The following ZFAND3 variants were observed in gnomAD, a reference collection of about 807,000 sequenced individuals.
ZFAND3 encodes the protein AN1-type zinc finger protein 3.
ZFAND3 carries 10 observed loss-of-function variants against 29.6 expected under a neutral mutation model. The ratio of observed to expected loss-of-function variants is 0.34; its 90% CI spans 0.21 to 0.57. The LOEUF is 0.57. ZFAND3 is among the 20% of genes least tolerant of loss of function. The probability of loss-of-function intolerance (pLI) is 0.86; values close to 1 mark genes in which losing one functional copy is unlikely to be tolerated. For synonymous variants in ZFAND3, 128 were observed against 112.6 expected (o/e 1.14, Z -0.87); for missense variants, 230 against 304.5 (o/e 0.76, Z 1.82).
chr6:38,142,445 G>T, intron 5 of ZFAND3: 1 of 436,968 alleles, frequency 2.3e-6, no homozygotes. Flanking sequence ...TACCCCCATG[G>T]GCCCAGGCTG....
intron 1 of ZFAND3, among the ~76,000 whole-genome samples, chr6:37,916,156 G>A (rs555465282): frequency 2.0e-5 from 3 of 150,954 alleles, no homozygotes; most frequent in African/African-American, 7.3e-5. Context: ...AATGACAATA[G>A]ACATTAAAGA....
intron 2 of ZFAND3, among the ~76,000 whole-genome samples, chr6:37,993,570 G>T (rs1446160151): frequency 6.6e-6 from 1 of 152,046 alleles, no homozygotes; most frequent in Non-Finnish European, 1.5e-5. Flanking sequence ...CAAGTGATCT[G>T]CCCACCTTGG....
intron 2 of ZFAND3, among the ~76,000 whole-genome samples, chr6:37,971,163 C>T (rs558429961): frequency 1.3e-5 from 2 of 152,256 alleles, no homozygotes; most frequent in Non-Finnish European, 2.9e-5. Flanking sequence ...ATGTGCTTTA[C>T]GTTGAACAAA....
intron 2 of ZFAND3, among the ~76,000 whole-genome samples, chr6:37,978,667 T>C (rs1304990319): frequency 2.6e-5 from 4 of 152,216 alleles, no homozygotes; most frequent in Non-Finnish European, 5.9e-5. Flanking sequence ...TGTCTTTTAG[T>C]GCGTTTGTCC....
At chr6:37,900,677 G>C (rs953517783) in intron 1 of ZFAND3, among the ~76,000 whole-genome samples, 1 of 152,130 alleles carries the variant, frequency 6.6e-6, no homozygotes, top group Non-Finnish European at 1.5e-5. Context: ...TCACAGGTCT[G>C]TTATGTTCCA....
At chr6:38,065,579 G>C (rs757109461) in intron 3 of ZFAND3, among the ~76,000 whole-genome samples, 5 of 152,138 alleles carry the variant, frequency 3.3e-5, no homozygotes, top group Admixed American at 2.6e-4. Flanking sequence ...TAGCCTATTA[G>C]GGTAGGTGCT....
At chr6:37,987,185 G>C (rs1762685911) in intron 2 of ZFAND3, among the ~76,000 whole-genome samples, 1 of 152,196 alleles carries the variant, frequency 6.6e-6, no homozygotes, top group Non-Finnish European at 1.5e-5. Context: ...AGTTAGAAGT[G>C]AGTGGCCAGT....
At chr6:37,860,424 C>G (rs1489445715) in intron 1 of ZFAND3, among the ~76,000 whole-genome samples, 4 of 152,044 alleles carry the variant, frequency 2.6e-5, no homozygotes, top group Non-Finnish European at 5.9e-5. Flanking sequence ...TGAATTTGCA[C>G]TCCCCCTGCT....
rs2127500571 is a variant in ZFAND3, at chr6:38,154,331, G to A, written c.*1942G>A. ...CATGGGAAGGAGCCCAGGGGAGCTG[G>A]CCTGGGGGAGCGAAGCCCATGTTCG... On this transcript the variant is annotated 3_prime_UTR_variant, in exon 6 of 6. Transcript: ENST00000287218. 1 of 981,162 alleles carries A rather than the reference G, an allele frequency of 1.0e-6. No homozygotes were observed. The highest frequency in any genetic ancestry group is 1.2e-4 in the East Asian group (1 of 8,088). 60.8% of individuals were successfully genotyped at this position (981,162 alleles called of 1,614,324 possible). A position where few individuals can be genotyped will look rare whatever the true frequency, so the allele number is the denominator to read the frequency against.
chr6:38,064,042 A>G (rs759740070), intron 3 of ZFAND3, among the ~76,000 whole-genome samples: 37 of 152,128 alleles, frequency 2.4e-4, no homozygotes, highest in Non-Finnish European at 4.7e-4. Context: ...TCATGTACTT[A>G]CTGAGGAGTT....
At chr6:37,892,741 A>G (rs1331270058) in intron 1 of ZFAND3, among the ~76,000 whole-genome samples, 4 of 152,234 alleles carry the variant, frequency 2.6e-5, no homozygotes, top group African/African-American at 7.2e-5. Flanking sequence ...GCGAGACTCA[A>G]TTAGCAGAAT....
chr6:38,106,279 A>G (rs1765207733), intron 4 of ZFAND3, among the ~76,000 whole-genome samples: 2 of 151,992 alleles, frequency 1.3e-5, no homozygotes, highest in Non-Finnish European at 2.9e-5. Flanking sequence ...CAGCCTCCCA[A>G]GTAGCTGGGA....
intron 2 of ZFAND3, among the ~76,000 whole-genome samples, chr6:37,936,647 G>T (rs180771634): frequency 7.2e-4 from 110 of 152,330 alleles, no homozygotes; most frequent in Middle Eastern, 6.8e-3. Context: ...AAAGCTGGAA[G>T]ATGACATGAA....
intron 2 of ZFAND3, among the ~76,000 whole-genome samples, chr6:37,976,584 CAAAAAAAAAAAAAA>C (rs35783371): frequency 2.6e-5 from 2 of 76,908 alleles, no homozygotes; most frequent in Non-Finnish European, 4.8e-5. Flanking sequence ...ACACTGTCTC[CAAAAAAAAAAAAAA>C]AAAAAAAAGA....
chr6:37,918,654 TAATG>T (rs1561933822), intron 1 of ZFAND3, among the ~76,000 whole-genome samples: 1 of 152,188 alleles, frequency 6.6e-6, no homozygotes, highest in Non-Finnish European at 1.5e-5. Context: ...TGAATTATCT[TAATG>T]AGAGTGGATG....
chr6:37,985,525 A>ACACACC (rs1554164918), intron 2 of ZFAND3, among the ~76,000 whole-genome samples: 1 of 147,680 alleles, frequency 6.8e-6, no homozygotes, highest in Non-Finnish European at 1.5e-5. Flanking sequence ...ACACACACAC[A>ACACACC]CACCCCCACA....
chr6:37,966,625 T>C (rs1762297793), intron 2 of ZFAND3, among the ~76,000 whole-genome samples: 1 of 152,158 alleles, frequency 6.6e-6, no homozygotes, highest in South Asian at 2.1e-4. Context: ...CACCATAACT[T>C]TGCTGGAACC....
chr6:38,003,662 C>A (rs1281327252), intron 2 of ZFAND3: 5 of 337,444 alleles, frequency 1.5e-5, no homozygotes, highest in Non-Finnish European at 2.3e-5. Context: ...CCACGACCAG[C>A]TAATTTTTGT....
intron 1 of ZFAND3, among the ~76,000 whole-genome samples, chr6:37,902,168 G>A (rs948949140): frequency 7.9e-5 from 12 of 152,098 alleles, no homozygotes; most frequent in African/African-American, 2.9e-4. Context: ...TAGCATTATG[G>A]CCAGGTACAG....
Sources: allele counts gnomAD v4.1 joint callset (sites outside exome capture counted in the v4.1 genomes callset), GRCh38; gene constraint gnomAD v4.1.1; transcripts MANE v1.5; gene names NCBI Gene and HGNC (gene_info 2026-07-23, HGNC 2026-07-21).